WDR20: variants seen among roughly 807,000 people sequenced by gnomAD.
The protein encoded by WDR20 is WD repeat-containing protein 20.
A neutral mutation model predicts 38.7 loss-of-function variants in WDR20; 3 were observed. That is an observed-to-expected ratio of 0.08 (90% CI 0.04 to 0.20). The LOEUF is 0.20. Among genes scored for constraint, WDR20 ranks in the 10% least tolerant of loss-of-function variants. WDR20 has a pLI of 1.00. For missense variants in WDR20, 559 were observed against 727.7 expected (o/e 0.77, Z 2.67); for synonymous variants, 298 against 285.6 (o/e 1.04, Z -0.44).
At chr14:102,195,182 G>C in intron 2 of WDR20, 62 bp downstream of exon 2, 1 of 1,563,256 alleles carries the variant, frequency 6.4e-7, no homozygotes, top group Non-Finnish European at 8.7e-7. Flanking sequence ...TTCTTACCGA[G>C]GGTAGTCGGC....
rs568937964 is a variant in WDR20 at position 102,179,558 on chromosome 14, C to G, written c.250-15380C>G. 5.3e-5 allele frequency among the ~76,000 whole-genome samples: 8 copies of G among 151,620 alleles called. No individual in the cohort carries two copies. In the South Asian group the frequency reaches 1.7e-3, roughly 32 times the overall value. On this transcript the variant is annotated intron_variant, in intron 1 of 2. Transcript: ENST00000342702. The stretch of plus-strand genomic sequence containing the variant: ...TCAGCCTCCCAAAGTGCTAAGATTA[C>G]AAACATGAGCCACCACACCCTGTCT...
downstream of WDR20, among the ~76,000 whole-genome samples, chr14:102,223,876 A>G (rs116282308): frequency 0.029 from 4,389 of 152,142 alleles, 232 homozygotes; most frequent in African/African-American, 0.1. Context: ...GTCTGTGGCC[A>G]CTGTGGGCAG....
At chr14:102,191,332 G>A (rs1448132715) in intron 1 of WDR20, 1 of 152,232 alleles carries the variant, frequency 6.6e-6, no homozygotes, top group Non-Finnish European at 1.5e-5. Flanking sequence ...ATGGGGAAGA[G>A]GAATAGCTGG....
chr14:102,152,397 C>T (rs1001483413), intron 1 of WDR20, among the ~76,000 whole-genome samples: 15 of 149,428 alleles, frequency 1.0e-4, no homozygotes, highest in Non-Finnish European at 2.1e-4. Flanking sequence ...GGATATTGTG[C>T]TAACAGATTA....
chr14:102,217,202 A>G (rs2063320862), downstream of WDR20, among the ~76,000 whole-genome samples: 1 of 152,200 alleles, frequency 6.6e-6, no homozygotes, highest in Admixed American at 6.5e-5. Context: ...AGAGGATTGC[A>G]GGGCCAAGTG....
At chr14:102,167,876 C>A (rs879873055) in intron 1 of WDR20, among the ~76,000 whole-genome samples, 1 of 152,150 alleles carries the variant, frequency 6.6e-6, no homozygotes, top group Admixed American at 6.5e-5. Context: ...ATAGGTACTT[C>A]ATAAATATTT....
intron 1 of WDR20, among the ~76,000 whole-genome samples, chr14:102,153,606 A>T (rs2056653424): frequency 1.3e-5 from 2 of 151,896 alleles, no homozygotes; most frequent in Admixed American, 1.3e-4. Flanking sequence ...GCGCCCGGCC[A>T]CCTCTTTCTT....
intron 2 of WDR20, among the ~76,000 whole-genome samples, chr14:102,201,441 T>C (rs1226729223): frequency 6.6e-6 from 1 of 152,240 alleles, no homozygotes; most frequent in Non-Finnish European, 1.5e-5. Context: ...AATGACACTT[T>C]GATGTGGTTA....
intron 1 of WDR20, among the ~76,000 whole-genome samples, chr14:102,181,121 GA>G (rs1272649155): frequency 6.6e-6 from 1 of 152,124 alleles, no homozygotes; most frequent in Non-Finnish European, 1.5e-5. Flanking sequence ...GCAGCATTCA[GA>G]ACATAACTTA....
At chr14:102,186,573 C>T (rs1350872827) in intron 1 of WDR20, among the ~76,000 whole-genome samples, 1 of 151,972 alleles carries the variant, frequency 6.6e-6, no homozygotes, top group African/African-American at 2.4e-5. Flanking sequence ...GGGTGACAAG[C>T]AGATGTGGTC....
At position 102,151,844 on chromosome 14, in the gene WDR20, ATCC is replaced by A. The variant is rs1390922925; in HGVS notation, c.249+11677_249+11679del. Among the ~76,000 whole-genome samples the A allele has an allele frequency of 2.4e-4, 36 of 151,554 alleles. 1 individual carries two copies. Among genetic ancestry groups the A allele is most frequent in the Admixed American group, 2.4e-3 (36 of 15,184 alleles). ...AGCCTCAACCTTCTGGGCCCAAATAATCCTCCTGCCTCAGCCTTCCAAGTAGCT... is the reference window on the plus strand; with the variant it reads ...AGCCTCAACCTTCTGGGCCCAAATAATCCTGCCTCAGCCTTCCAAGTAGCT... On this transcript the variant is annotated intron_variant, in intron 1 of 2. Coordinates refer to ENST00000342702, the MANE Select transcript of WDR20 (RefSeq NM_144574.4).
intron 1 of WDR20, among the ~76,000 whole-genome samples, chr14:102,188,373 C>T (rs1368722126): frequency 5.3e-5 from 8 of 152,190 alleles, no homozygotes; most frequent in Non-Finnish European, 1.0e-4. Flanking sequence ...CAAGTCCTTC[C>T]TCCACATTTC....
At chr14:102,185,524 G>A (rs544047312) in intron 1 of WDR20, among the ~76,000 whole-genome samples, 6 of 152,190 alleles carry the variant, frequency 3.9e-5, no homozygotes, top group African/African-American at 1.2e-4. Context: ...AATTTCGATG[G>A]CCAGACTCTA....
chr14:102,218,986 C>T (rs1244619532), downstream of WDR20, among the ~76,000 whole-genome samples: 1 of 152,186 alleles, frequency 6.6e-6, no homozygotes, highest in Non-Finnish European at 1.5e-5. Flanking sequence ...AGCAGAAGGA[C>T]AGGGTAAAAC....
chr14:102,192,181 A>AT (rs761284711), intron 1 of WDR20, among the ~76,000 whole-genome samples: 2,413 of 143,114 alleles, frequency 0.017, 45 homozygotes, highest in African/African-American at 0.046. Flanking sequence ...ATTTACCTGA[A>AT]TTTTTTTTTT....
chr14:102,168,444 AT>A (rs951889872), intron 1 of WDR20, among the ~76,000 whole-genome samples: 1 of 151,834 alleles, frequency 6.6e-6, no homozygotes, highest in Non-Finnish European at 1.5e-5. Flanking sequence ...TCAGTTATAT[AT>A]TTTAAGCATA....
At chr14:102,200,807 A>G (rs1198288141) in intron 2 of WDR20, among the ~76,000 whole-genome samples, 1 of 152,224 alleles carries the variant, frequency 6.6e-6, no homozygotes. Context: ...TGAGGCAGAC[A>G]CACTGGGTAG....
At chr14:102,165,051 A>G (rs1735472430) in intron 1 of WDR20, among the ~76,000 whole-genome samples, 1 of 152,096 alleles carries the variant, frequency 6.6e-6, no homozygotes. Flanking sequence ...CCTTCTTGAG[A>G]GTGGTTTTTG....
rs1162780234 is a variant in WDR20, at chr14:102,222,142, G to GC, written c.1693-682dup. ...CAGGAGCCGCCCTAAAGAGCCAGATGCCCCCCACCATTCTTCCTGCTGGCC... is the reference window on the plus strand; with the variant it reads ...CAGGAGCCGCCCTAAAGAGCCAGATGCCCCCCCACCATTCTTCCTGCTGGCC... On this transcript the variant is annotated intron_variant, in intron 3 of 3. Transcript: ENST00000335263. This position sits in a 1 kb window ranked among gnomAD's most constrained non-coding sequence, Gnocchi z 4.4. 6.6e-6 allele frequency among the ~76,000 whole-genome samples: 1 copy of GC among 150,420 alleles called. No individual in the cohort carries two copies.
Sources: gnomAD v4.1 joint callset for allele counts (sites outside exome capture counted in the v4.1 genomes callset) on GRCh38, gnomAD v4.1.1 for gene constraint, Gnocchi (gnomAD v3.1) non-coding constraint, MANE v1.5 for transcripts, NCBI Gene and HGNC (gene_info 2026-07-23, HGNC 2026-07-21) for gene names.